GPC6: variants seen among roughly 807,000 people sequenced by gnomAD.
GPC6 encodes glypican 6.
In GPC6, 14 loss-of-function variants were observed where a neutral mutation model predicts 55.2. That is an observed-to-expected ratio of 0.25 (90% CI 0.17 to 0.40). The LOEUF (loss-of-function observed/expected upper bound fraction) is 0.40, where lower values mean the gene tolerates loss of function less well. GPC6 is among the 10% of genes least tolerant of loss of function. The pLI, the probability that GPC6 is intolerant of heterozygous loss-of-function variation, is 1.00. For synonymous variants in GPC6, 278 were observed against 259.6 expected (o/e 1.07, Z -0.68); for missense variants, 641 against 708.5 (o/e 0.90, Z 1.08).
chr13:93,377,933 G>A (rs1269056792), intron 1 of GPC6, among the ~76,000 whole-genome samples: 2 of 152,184 alleles, frequency 1.3e-5, no homozygotes, highest in African/African-American at 2.4e-5. Context: ...TTTAATTCAA[G>A]TAAATCGGTT....
intron 2 of GPC6, among the ~76,000 whole-genome samples, chr13:93,547,730 A>C (rs1030565137): frequency 6.6e-6 from 1 of 152,124 alleles, no homozygotes; most frequent in African/African-American, 2.4e-5. Context: ...GTGGGAAAAA[A>C]AAAAAGAGAA....
At chr13:93,390,814 T>A (rs1431901428) in intron 1 of GPC6, among the ~76,000 whole-genome samples, 2 of 151,492 alleles carry the variant, frequency 1.3e-5, no homozygotes, top group African/African-American at 2.4e-5. Flanking sequence ...AAAAAAAAAA[T>A]CTTGGGGACA....
chr13:93,545,803 A>T (rs1384290815), intron 2 of GPC6, among the ~76,000 whole-genome samples: 1 of 152,200 alleles, frequency 6.6e-6, no homozygotes, highest in African/African-American at 2.4e-5. Context: ...GAAATATAAC[A>T]TCACATTTGA....
rs1878403523 is a variant in GPC6, at chr13:94,348,726, GA to G, written c.1153-33687del. 2.0e-5 allele frequency among the ~76,000 whole-genome samples: 3 copies of G among 152,120 alleles called. No homozygotes were observed. In the East Asian group the frequency reaches 5.8e-4, roughly 29 times the overall value. On this transcript the variant is annotated intron_variant, in intron 6 of 8. Transcript: ENST00000377047. ...GCACACAGTGGCTGGACCACCCTCT[GA>G]CACTGCTAATTTTATCTTTAGCTAC...
At chr13:93,710,689 C>A (rs983111478) in intron 2 of GPC6, among the ~76,000 whole-genome samples, 5 of 110,092 alleles carry the variant, frequency 4.5e-5, no homozygotes, top group East Asian at 2.4e-4. Flanking sequence ...CATTTAAAGT[C>A]CCCCCCCCCA....
chr13:94,201,673 G>T (rs1316887016), intron 4 of GPC6, among the ~76,000 whole-genome samples: 3 of 152,124 alleles, frequency 2.0e-5, no homozygotes, highest in Non-Finnish European at 4.4e-5. Flanking sequence ...CATAGCGGCC[G>T]GGCATGGTGG....
intron 6 of GPC6, among the ~76,000 whole-genome samples, chr13:94,342,163 G>A (rs908931077): frequency 6.6e-6 from 1 of 152,116 alleles, no homozygotes; most frequent in African/African-American, 2.4e-5. Flanking sequence ...TATTTATTTC[G>A]TTCCAGTAGC....
rs142126792 is a variant in GPC6, at chr13:93,397,756, C to T, written c.161-147507C>T. ...GACTAGATAACCATGTTCTTTTCTCCCTCCTCTTTTTTTTTTTCTCTGCTC... is the reference window on the plus strand; with the variant it reads ...GACTAGATAACCATGTTCTTTTCTCTCTCCTCTTTTTTTTTTTCTCTGCTC... On this transcript the variant is annotated intron_variant, in intron 1 of 8. Transcript: ENST00000377047. Among the ~76,000 whole-genome samples, 422 of 151,668 alleles carry T rather than the reference C, an allele frequency of 2.8e-3. 2 individuals are homozygous for T. Among genetic ancestry groups the T allele is most frequent in the African/African-American group, 0.01 (413 of 41,184 alleles).
chr13:93,841,197 G>A (rs1887941480), intron 3 of GPC6, among the ~76,000 whole-genome samples: 1 of 152,126 alleles, frequency 6.6e-6, no homozygotes, highest in African/African-American at 2.4e-5. Flanking sequence ...AGGTTTATGA[G>A]CCAAGATACA....
At chr13:93,971,462 G>A (rs992063783) in intron 3 of GPC6, among the ~76,000 whole-genome samples, 3 of 152,036 alleles carry the variant, frequency 2.0e-5, no homozygotes, top group Admixed American at 2.0e-4. Context: ...TGAAATATGG[G>A]GATTGCCAGT....
At chr13:93,344,302 A>G (rs1296410103) in intron 1 of GPC6, among the ~76,000 whole-genome samples, 1 of 152,222 alleles carries the variant, frequency 6.6e-6, no homozygotes, top group Non-Finnish European at 1.5e-5. Context: ...AGAAGAGGCC[A>G]GGTATAGCTT....
intron 1 of GPC6, among the ~76,000 whole-genome samples, chr13:93,295,099 T>A (rs1878439243): frequency 7.5e-6 from 1 of 132,608 alleles, no homozygotes; most frequent in Non-Finnish European, 1.6e-5. Context: ...ATGAGGAAAC[T>A]CTGTCTCTGC....
chr13:93,843,333 G>A (rs1322204383), intron 3 of GPC6, among the ~76,000 whole-genome samples: 1 of 152,038 alleles, frequency 6.6e-6, no homozygotes, highest in Non-Finnish European at 1.5e-5. Context: ...CTCTTATCAT[G>A]TATTTAACTG....
intron 1 of GPC6, among the ~76,000 whole-genome samples, chr13:93,369,559 TTAG>T (rs1178058677): frequency 3.9e-5 from 6 of 152,128 alleles, no homozygotes; most frequent in African/African-American, 1.2e-4. Context: ...TACAATACTA[TTAG>T]TAGTCACAGC....
At chr13:93,281,774 C>A (rs1188038516) in intron 1 of GPC6, among the ~76,000 whole-genome samples, 1 of 152,154 alleles carries the variant, frequency 6.6e-6, no homozygotes, top group African/African-American at 2.4e-5. Context: ...CACGATCATG[C>A]CAGTGTACTC....
At chr13:93,650,727 A>AT (rs1880374167) in intron 2 of GPC6, among the ~76,000 whole-genome samples, 1 of 152,216 alleles carries the variant, frequency 6.6e-6, no homozygotes, top group Non-Finnish European at 1.5e-5. Context: ...TTCCTAGTCA[A>AT]TTCAGTAATC....
In GPC6 at chr13:93,790,520, G is replaced by C. The variant is rs577802618; in HGVS notation, c.320-39634G>C. ...ACATGAGGAAAAGCTCTTGCATTCAGAACCAATTCTCTCTTTTGAGTTAGG... is the reference window on the plus strand; with the variant it reads ...ACATGAGGAAAAGCTCTTGCATTCACAACCAATTCTCTCTTTTGAGTTAGG... On this transcript the variant is annotated intron_variant, in intron 2 of 8. Coordinates refer to ENST00000377047, the MANE Select transcript of GPC6 (RefSeq NM_005708.5). Among the ~76,000 whole-genome samples the C allele has an allele frequency of 2.0e-5, 3 of 152,250 alleles. No individual in the cohort carries two copies. In the East Asian group the frequency reaches 5.8e-4, roughly 29 times the overall value.
chr13:93,991,447 GAGT>G (rs1001676235), intron 3 of GPC6, among the ~76,000 whole-genome samples: 17 of 152,234 alleles, frequency 1.1e-4, no homozygotes, highest in Admixed American at 1.1e-3. Flanking sequence ...CTTTGTTTGA[GAGT>G]AGATGTTCAA....
chr13:93,765,257 T>TAAGCTGTCTGGAAAGACAACTTTCCAGAG (rs1885083315), intron 2 of GPC6, among the ~76,000 whole-genome samples: 1 of 78,648 alleles, frequency 1.3e-5, no homozygotes, highest in African/African-American at 3.5e-5. Flanking sequence ...ACTTTCCAGA[T>TAAGCTGTCTGGAAAGACAACTTTCCAGAG]AAGCTGTCTG....
Sources: allele counts gnomAD v4.1 joint callset (sites outside exome capture counted in the v4.1 genomes callset), GRCh38; gene constraint gnomAD v4.1.1; transcripts MANE v1.5; gene names NCBI Gene and HGNC (gene_info 2026-07-23, HGNC 2026-07-21).